The following STIM2 variants were observed in gnomAD, a reference collection of about 807,000 sequenced individuals.
STIM2 encodes stromal interaction molecule 2.
STIM2 carries 31 observed loss-of-function variants against 85.8 expected under a neutral mutation model. The ratio of observed to expected loss-of-function variants is 0.36; its 90% CI spans 0.27 to 0.49. STIM2 has a LOEUF of 0.49. Ranked by LOEUF, STIM2 falls within the 20% of genes least tolerant of loss-of-function variation. The pLI is 0.98. For missense variants in STIM2, 841 were observed against 927.6 expected (o/e 0.91, Z 1.21); for synonymous variants, 356 against 331.1 (o/e 1.08, Z -0.82).
intron 1 of STIM2, among the ~76,000 whole-genome samples, chr4:26,886,666 T>C (rs1723262220): frequency 6.6e-6 from 1 of 152,034 alleles, no homozygotes; most frequent in Non-Finnish European, 1.5e-5. Context: ...GAGAGAGTAA[T>C]AGATAGATCA....
At chr4:26,881,299 T>G (rs924517958) in intron 1 of STIM2, among the ~76,000 whole-genome samples, 3 of 151,744 alleles carry the variant, frequency 2.0e-5, no homozygotes, top group Non-Finnish European at 4.4e-5. Context: ...CACCCCGTCT[T>G]TACTAAAAAT....
At position 26,860,861 on chromosome 4, in the gene STIM2, C is replaced by T. The variant is rs756748619; in HGVS notation, c.-358C>T. 66 of 834,656 alleles carry T rather than the reference C, an allele frequency of 7.9e-5. 1 individual carries two copies. The highest frequency in any genetic ancestry group is 9.2e-5 in the Non-Finnish European group (63 of 685,506). The allele number at this position is 834,656 out of a possible 1,614,324, so 51.7% of individuals were successfully genotyped here. ...GCGCCAGAGCAGCGGATCCCGGTCT[C>T]GCCGCAGCAGCAGCGCGGGTGTCGT... On this transcript the variant is annotated 5_prime_UTR_variant, in exon 1 of 12. Transcript: ENST00000467087.
chr4:27,019,196 A>G (rs888247489), intron 11 of STIM2, among the ~76,000 whole-genome samples: 1 of 152,116 alleles, frequency 6.6e-6, no homozygotes, highest in East Asian at 1.9e-4. Flanking sequence ...TTATCATGTG[A>G]CTCTTTAGGT....
At chr4:26,959,063 T>G (rs1022837651) in intron 3 of STIM2, among the ~76,000 whole-genome samples, 1 of 152,206 alleles carries the variant, frequency 6.6e-6, no homozygotes, top group Non-Finnish European at 1.5e-5. Context: ...TCCCTGTGTT[T>G]GTGCTCTGCT....
In STIM2 at chr4:27,022,572, G is replaced by A. The variant is rs774312925; in HGVS notation, c.1817G>A (p.Arg606Lys). 1.2e-6 allele frequency: 2 copies of A among 1,609,288 alleles called. No homozygotes were observed. Among genetic ancestry groups the A allele is most frequent in the South Asian group, 1.1e-5 (1 of 90,972 alleles). The change falls in exon 12 of 12, where the codon AGG becomes AAG. Residue 606 changes from arginine (R) to lysine (K), a missense_variant. Physicochemically the swap from Arg to Lys is conservative, Grantham distance 26. Transcript: ENST00000467087. Reference sequence around the variant, plus strand: ...GACTCCTTAAATTCTTCCATTGGAAGGAAACAGTCTCCTCCTTTAAGCCTC... The same window carrying A: ...GACTCCTTAAATTCTTCCATTGGAAAGAAACAGTCTCCTCCTTTAAGCCTC...
At chr4:26,863,688 C>T (rs891373995) in intron 1 of STIM2, among the ~76,000 whole-genome samples, 10 of 151,930 alleles carry the variant, frequency 6.6e-5, no homozygotes, top group African/African-American at 2.4e-4. Flanking sequence ...TTGTAGGCAG[C>T]GTTAATGGAT....
chr4:26,877,157 G>A (rs1722841231), intron 1 of STIM2, among the ~76,000 whole-genome samples: 1 of 151,896 alleles, frequency 6.6e-6, no homozygotes, highest in Admixed American at 6.6e-5. Context: ...TTTGATAATG[G>A]TGTTCCTTTA....
At chr4:26,882,333 A>AT (rs890789194) in intron 1 of STIM2, among the ~76,000 whole-genome samples, 2 of 151,930 alleles carry the variant, frequency 1.3e-5, no homozygotes, top group Admixed American at 1.3e-4. Context: ...GTTGTTGCTA[A>AT]TTTTTTTTCC....
chr4:27,001,103 G>A (rs973495242), intron 5 of STIM2, among the ~76,000 whole-genome samples: 6 of 152,158 alleles, frequency 3.9e-5, no homozygotes, highest in Non-Finnish European at 5.9e-5. Context: ...CACAAACATA[G>A]CCAAACCCCA....
chr4:26,935,468 G>T (rs1258285034), intron 2 of STIM2, among the ~76,000 whole-genome samples: 1 of 152,242 alleles, frequency 6.6e-6, no homozygotes, highest in African/African-American at 2.4e-5. Context: ...AGGAGGGAAA[G>T]AAGTAGATGA....
intron 3 of STIM2, among the ~76,000 whole-genome samples, chr4:26,968,523 A>G (rs1047593890): frequency 1.3e-5 from 2 of 152,172 alleles, no homozygotes; most frequent in Admixed American, 1.3e-4. Context: ...TGTGGGGAGG[A>G]GAGAACAGGG....
At chr4:27,008,631 C>T in intron 9 of STIM2, 103 bp downstream of exon 9, 2 of 1,122,298 alleles carry the variant, frequency 1.8e-6, no homozygotes, top group Non-Finnish European at 2.5e-6. Flanking sequence ...ACATAATTTA[C>T]ATTAGTTTTA....
chr4:26,992,634 G>A (rs759102952), intron 3 of STIM2, among the ~76,000 whole-genome samples: 2 of 152,132 alleles, frequency 1.3e-5, no homozygotes, highest in Non-Finnish European at 2.9e-5. Flanking sequence ...AAAAGGTGGA[G>A]GGATAGCAAA....
intron 1 of STIM2, among the ~76,000 whole-genome samples, chr4:26,910,921 T>C (rs145379078): frequency 6.6e-6 from 1 of 152,012 alleles, no homozygotes; most frequent in African/African-American, 2.4e-5. Flanking sequence ...CCTAAGGAAT[T>C]GAGTTTGTAT....
intron 1 of STIM2, among the ~76,000 whole-genome samples, chr4:26,908,341 A>C (rs568284385): frequency 4.6e-5 from 7 of 152,364 alleles, no homozygotes; most frequent in African/African-American, 1.7e-4. Flanking sequence ...GAATTTCAAC[A>C]AAACAGTTAA....
intron 2 of STIM2, among the ~76,000 whole-genome samples, chr4:26,941,602 CA>C (rs1383282783): frequency 2.0e-5 from 3 of 152,076 alleles, no homozygotes; most frequent in Non-Finnish European, 2.9e-5. Flanking sequence ...TCACTGATGG[CA>C]GCGAGATTTA....
At chr4:26,996,617 A>ATAAG (rs1560234235) in intron 4 of STIM2, among the ~76,000 whole-genome samples, 2 of 152,114 alleles carry the variant, frequency 1.3e-5, no homozygotes, top group Non-Finnish European at 2.9e-5. Context: ...AATTATAGGG[A>ATAAG]TAAGAGTCAA....
At chr4:26,899,849 G>T (rs1481793544) in intron 1 of STIM2, among the ~76,000 whole-genome samples, 4 of 152,086 alleles carry the variant, frequency 2.6e-5, no homozygotes, top group African/African-American at 9.7e-5. Flanking sequence ...TTTCACACTT[G>T]TAAAATTTCT....
chr4:26,992,850 C>G (rs948634401), intron 3 of STIM2, among the ~76,000 whole-genome samples: 1 of 152,064 alleles, frequency 6.6e-6, no homozygotes, highest in Admixed American at 6.6e-5. Context: ...GAATCTCCCC[C>G]CAAAATAAAT....
Sources: allele counts gnomAD v4.1 joint callset (sites outside exome capture counted in the v4.1 genomes callset), GRCh38; gene constraint gnomAD v4.1.1; transcripts MANE v1.5; gene names NCBI Gene and HGNC (gene_info 2026-07-23, HGNC 2026-07-21).